Variants in KIF27 observed in about 807,000 individuals in gnomAD.
KIF27 encodes kinesin family member 27.
Under a neutral mutation model 141.8 loss-of-function variants are expected in KIF27, and 84 were observed. The observed-to-expected ratio is 0.59, with a 90% CI of 0.50 to 0.71. The LOEUF (loss-of-function observed/expected upper bound fraction) is 0.71, where lower values mean the gene tolerates loss of function less well. Ranked by LOEUF, KIF27 falls within the 30% of genes least tolerant of loss-of-function variation. The pLI, the probability that KIF27 is intolerant of heterozygous loss-of-function variation, is 0.00. For missense variants in KIF27, 1,306 were observed against 1,628.4 expected (o/e 0.80, Z 3.41); for synonymous variants, 471 against 569.5 (o/e 0.83, Z 2.46).
intron 3 of KIF27, among the ~76,000 whole-genome samples, chr9:83,906,029 T>G (rs182034334): frequency 3.6e-4 from 55 of 152,354 alleles, no homozygotes; most frequent in Admixed American, 3.4e-3. Flanking sequence ...TCAAGAGTGA[T>G]GGTGAAGTGT....
At chr9:83,866,368 G>T (rs1480281279) in intron 13 of KIF27, among the ~76,000 whole-genome samples, 1 of 152,150 alleles carries the variant, frequency 6.6e-6, no homozygotes, top group Non-Finnish European at 1.5e-5. Flanking sequence ...TCTTGGCCTG[G>T]CTCTCATTTG....
intron 11 of KIF27, among the ~76,000 whole-genome samples, chr9:83,877,381 G>A (rs1195542729): frequency 6.6e-6 from 1 of 152,090 alleles, no homozygotes; most frequent in Admixed American, 6.5e-5. Flanking sequence ...GCTGATTTTT[G>A]ATAAGGGTGC....
At chr9:83,863,293 T>G (rs1011995223) in intron 13 of KIF27, among the ~76,000 whole-genome samples, 9 of 152,200 alleles carry the variant, frequency 5.9e-5, no homozygotes, top group African/African-American at 2.2e-4. Flanking sequence ...GCCCATTCAG[T>G]ACGATATTGG....
Position 83,891,383 on chromosome 9 carries a change from C to T in KIF27, c.1721G>A (p.Arg574Lys), listed in dbSNP as rs368013775. 6.2e-7 allele frequency: 1 copy of T among 1,613,900 alleles called. No individual in the cohort carries two copies. The highest frequency in any genetic ancestry group is 8.5e-7 in the Non-Finnish European group (1 of 1,179,854). ...AGTATATGGTCTCCTTTCAGGGATC[C>T]TGGCATCTGGCCCATCTCCACAATT... Reference protein sequence around the residue: ...KENCGDGPDARIPERRPYTVP... With the variant: ...KENCGDGPDAKIPERRPYTVP... Residue 574 changes from arginine to lysine, a missense_variant, in exon 6 of 18, where the codon AGG becomes AAG. Physicochemically the swap from Arg to Lys is conservative, Grantham distance 26 (BLOSUM62 2). Coordinates refer to ENST00000297814, the MANE Select transcript of KIF27 (RefSeq NM_017576.4).
Position 83,908,608 on chromosome 9 carries a change from G to A in KIF27, c.343C>T (p.Gln115Ter), listed in dbSNP as rs567251057. The A allele has an allele frequency of 1.2e-6, 2 of 1,612,402 alleles. No individual in the cohort carries two copies. Among genetic ancestry groups the A allele is most frequent in the African/African-American group, 1.3e-5 (1 of 74,958 alleles). ...GQKGIIPRAI[Q>*]EIFQSISEHP... ...TCAGAGATGCTTTGAAATATTTCTT[G>A]AATAGCTCGAGGAATGATACCCTTT... is the stretch of plus-strand genomic sequence containing the variant. Residue 115 changes from glutamine (Q) to a stop codon, truncating the protein, a stop_gained, in exon 3 of 18, where the codon CAA becomes TAA. Transcript: ENST00000297814. LOFTEE classifies it high-confidence loss of function.
rs772729594 is a variant in KIF27, at chr9:83,867,835, A to G, written c.2783T>C (p.Leu928Ser). Reference protein sequence around the residue: ...LQKLDEQKKWLDEEVEKVLNQ... With the variant: ...LQKLDEQKKWSDEEVEKVLNQ... ...CAGAACTTTCTCTACTTCTTCATCT[A>G]ACCATTTCTTTTGCTCATCCAATTT... is the stretch of plus-strand genomic sequence containing the variant. The change falls in exon 13 of 18, where the codon TTA becomes TCA. Residue 928 changes from leucine to serine, a missense_variant. Leu to Ser is a moderately radical substitution (Grantham distance 145). Transcript: ENST00000297814. The G allele has an allele frequency of 6.3e-7, 1 of 1,592,876 alleles. No homozygotes were observed. Among genetic ancestry groups the G allele is most frequent in the South Asian group, 1.2e-5 (1 of 85,438 alleles).
intron 3 of KIF27, among the ~76,000 whole-genome samples, chr9:83,905,580 T>G (rs1954433182): frequency 6.6e-6 from 1 of 152,238 alleles, no homozygotes; most frequent in African/African-American, 2.4e-5. Flanking sequence ...GTTTCATTAT[T>G]TCCATCATGA....
rs182462747 is a variant in KIF27 at position 83,916,355 on chromosome 9, T to C, written c.-87-677A>G. Among the ~76,000 whole-genome samples the C allele has an allele frequency of 2.2e-3, 340 of 152,220 alleles. 3 individuals are homozygous for C. The highest frequency in any genetic ancestry group is 7.8e-3 in the African/African-American group (323 of 41,534). ...CCTGTACATGTGTTAAAAACAAACATTAGTACTAGATTTTATAGCTATGCA... is the reference window on the plus strand; with the variant it reads ...CCTGTACATGTGTTAAAAACAAACACTAGTACTAGATTTTATAGCTATGCA... On this transcript the variant is annotated intron_variant, in intron 1 of 17. Transcript: ENST00000297814.
chr9:83,885,949 GTTTTT>G (rs371251143), intron 9 of KIF27, among the ~76,000 whole-genome samples: 1 of 146,866 alleles, frequency 6.8e-6, no homozygotes, highest in Admixed American at 6.8e-5. Flanking sequence ...TTTTTGTGTT[GTTTTT>G]TTTTTTTGAC....
chr9:83,859,577 G>C, intron 13 of KIF27: 1 of 525,838 alleles, frequency 1.9e-6, no homozygotes, highest in Non-Finnish European at 3.4e-6. Context: ...TGTTCCCCAG[G>C]CTAGAGTGCA....
chr9:83,896,294 T>C (rs1372157598), intron 5 of KIF27, among the ~76,000 whole-genome samples: 1 of 152,082 alleles, frequency 6.6e-6, no homozygotes, highest in Non-Finnish European at 1.5e-5. Flanking sequence ...ATCTTTTCCA[T>C]TTATCTTGGG....
intron 16 of KIF27, among the ~76,000 whole-genome samples, chr9:83,848,221 TATCA>T (rs1168954877): frequency 1.1e-5 from 1 of 94,206 alleles, no homozygotes; most frequent in Non-Finnish European, 2.1e-5. Context: ...ATATATGATA[TATCA>T]GATATGATAT....
chr9:83,890,244 C>T (rs1329306204), intron 6 of KIF27, among the ~76,000 whole-genome samples: 2 of 152,054 alleles, frequency 1.3e-5, no homozygotes, highest in African/African-American at 2.4e-5. Context: ...TGTGCTTCTG[C>T]TGTCAGTCAC....
chr9:83,896,862 A>T (rs1270378491), intron 5 of KIF27, among the ~76,000 whole-genome samples: 1 of 152,232 alleles, frequency 6.6e-6, no homozygotes. Context: ...AAATGTTTAG[A>T]ATAGGCAAAT....
intron 10 of KIF27, among the ~76,000 whole-genome samples, chr9:83,882,766 T>C (rs1241426065): frequency 6.6e-6 from 1 of 152,206 alleles, no homozygotes; most frequent in African/African-American, 2.4e-5. Flanking sequence ...GAAAGGTGAA[T>C]TCCAAAGTGG....
chr9:83,886,668 A>G (rs1952134428), intron 9 of KIF27, among the ~76,000 whole-genome samples: 1 of 152,136 alleles, frequency 6.6e-6, no homozygotes, highest in Non-Finnish European at 1.5e-5. Flanking sequence ...AGGTAGGAGG[A>G]TTGGTTGAGC....
intron 11 of KIF27, among the ~76,000 whole-genome samples, chr9:83,872,828 A>G (rs1338874669): frequency 3.9e-5 from 6 of 152,186 alleles, no homozygotes; most frequent in Admixed American, 6.5e-5. Context: ...AAAGGTATCA[A>G]TGGGGAGAGA....
chr9:83,862,315 C>T (rs1443722851), intron 13 of KIF27, among the ~76,000 whole-genome samples: 10 of 151,932 alleles, frequency 6.6e-5, no homozygotes, highest in Non-Finnish European at 1.5e-4. Context: ...TTAGGTCTAA[C>T]ATTTAAGTCT....
intron 13 of KIF27, among the ~76,000 whole-genome samples, chr9:83,864,501 T>A (rs1950196767): frequency 6.6e-6 from 1 of 152,252 alleles, no homozygotes; most frequent in African/African-American, 2.4e-5. Flanking sequence ...AGTTTCTTAA[T>A]CCTGAGTTCT....
Sources: allele counts gnomAD v4.1 joint callset (sites outside exome capture counted in the v4.1 genomes callset), GRCh38; gene constraint gnomAD v4.1.1; transcripts MANE v1.5; gene names NCBI Gene and HGNC (gene_info 2026-07-23, HGNC 2026-07-21).